Variants in TRPM1 observed in about 807,000 individuals in gnomAD.
The protein encoded by TRPM1 is TRPM1-203 APA Isoform, Intron 10.
Under a neutral mutation model 149.4 loss-of-function variants are expected in TRPM1, and 113 were observed. The ratio of observed to expected loss-of-function variants is 0.76; its 90% confidence interval spans 0.65 to 0.88. TRPM1 has a LOEUF of 0.88. Among genes scored for constraint, TRPM1 ranks in the 40% least tolerant of loss-of-function variants. TRPM1 has a pLI of 0.00. For missense variants in TRPM1, 1,976 were observed against 2,038.7 expected, an observed-to-expected ratio of 0.97 and a Z score of 0.59; for synonymous variants, 741 against 759.5, an observed-to-expected ratio of 0.98 and a Z score of 0.40.
intron 1 of TRPM1, among the ~76,000 whole-genome samples, chr15:31,095,013 A>T (rs1244322257): frequency 6.6e-6 from 1 of 152,276 alleles, no homozygotes; most frequent in East Asian, 1.9e-4. Flanking sequence ...TATGTTATAC[A>T]AACAAAAGAA....
At position 31,035,564 on chromosome 15, in the gene TRPM1, C is replaced by T. The variant is rs780545283; in HGVS notation, c.2682G>A (p.Ala894=). ...WIVISYIVSL[A]LEKIREILMS... is the part of the protein sequence containing the mutation. ...TAGCCACCTCTCGTATCTTCTCTAA[C>T]GCCAGGCTCACGATGTAGGAGATGA... Residue 894 remains alanine (A), a synonymous_variant, in exon 21 of 28, where the codon GCG becomes GCA. Coordinates refer to ENST00000256552, the MANE Select transcript of TRPM1 (RefSeq NM_001252024.2). The T allele has an allele frequency of 2.2e-5, 35 of 1,614,054 alleles. No individual in the cohort carries two copies. Among genetic ancestry groups the T allele is most frequent in the Middle Eastern group, 3.3e-4 (2 of 6,080 alleles).
At chr15:31,159,883 C>T (rs896741098) in intron 1 of TRPM1, among the ~76,000 whole-genome samples, 7 of 152,230 alleles carry the variant, frequency 4.6e-5, no homozygotes, top group African/African-American at 1.4e-4. Context: ...ACTGCTTCAG[C>T]GGCTCCGTTC....
chr15:31,120,524 C>T (rs1184330018), intron 1 of TRPM1, among the ~76,000 whole-genome samples: 1 of 152,124 alleles, frequency 6.6e-6, no homozygotes, highest in African/African-American at 2.4e-5. Context: ...GATATAGTTG[C>T]ATTTAACAGT....
intron 2 of TRPM1, among the ~76,000 whole-genome samples, chr15:31,080,065 G>T (rs571975251): frequency 6.6e-6 from 1 of 152,160 alleles, no homozygotes; most frequent in South Asian, 2.1e-4. Flanking sequence ...AAGACCCATG[G>T]GTCCACACTG....
chr15:31,112,967 G>GA (rs1030613350), intron 1 of TRPM1, among the ~76,000 whole-genome samples: 3 of 152,146 alleles, frequency 2.0e-5, no homozygotes, highest in Non-Finnish European at 4.4e-5. Flanking sequence ...GAGGACTTGG[G>GA]AAAAACTCGA....
At chr15:31,152,293 T>C (rs1047531090) in intron 1 of TRPM1, among the ~76,000 whole-genome samples, 3 of 152,196 alleles carry the variant, frequency 2.0e-5, no homozygotes, top group African/African-American at 7.2e-5. Flanking sequence ...CCTGCCCAGC[T>C]TGGAGGCTGG....
chr15:31,127,148 T>C (rs8037337), intron 1 of TRPM1, among the ~76,000 whole-genome samples: 45,280 of 152,142 alleles, frequency 0.3, 6,938 homozygotes, highest in Middle Eastern at 0.34. Flanking sequence ...TTGAGATTTC[T>C]CATTCCTTCT....
intron 20 of TRPM1, 50 bp downstream of exon 20, chr15:31,037,661 C>G: frequency 6.2e-7 from 1 of 1,613,592 alleles, no homozygotes; most frequent in Non-Finnish European, 8.5e-7. Flanking sequence ...TCCAACATAT[C>G]AAAGCATTCA....
chr15:31,029,241 A>T, intron 24 of TRPM1, 130 bp downstream of exon 24: 1 of 958,670 alleles, frequency 1.0e-6, no homozygotes. Flanking sequence ...CTGACAGCTT[A>T]AAAAGTACTG....
chr15:31,104,469 CT>C (rs1210383264), upstream of TRPM1, among the ~76,000 whole-genome samples: 1 of 151,820 alleles, frequency 6.6e-6, no homozygotes, highest in East Asian at 1.9e-4. Context: ...TGCAATAAGA[CT>C]TTTTGGTGGT....
chr15:31,144,222 T>C (rs934115318), intron 1 of TRPM1, among the ~76,000 whole-genome samples: 8 of 152,100 alleles, frequency 5.3e-5, no homozygotes, highest in African/African-American at 1.9e-4. Context: ...AGCCAATCAC[T>C]TGAACCCAGT....
chr15:31,088,668 G>A (rs760755070), intron 1 of TRPM1, among the ~76,000 whole-genome samples: 1 of 152,210 alleles, frequency 6.6e-6, no homozygotes, highest in African/African-American at 2.4e-5. Context: ...GGACTAGGAT[G>A]GGCATTTCAT....
intron 3 of TRPM1, 197 bp from the exon 4 acceptor site, chr15:31,070,423 T>C (rs758241779): frequency 1.1e-5 from 8 of 709,372 alleles, no homozygotes; most frequent in African/African-American, 3.5e-5. Flanking sequence ...TCTCTTTATA[T>C]GCCAGTCGAT....
intron 4 of TRPM1, chr15:31,069,796 G>C: frequency 1.4e-6 from 2 of 1,469,580 alleles, no homozygotes. Context: ...TGTGGATTCA[G>C]AGCTTTGGTA....
At position 31,026,250 on chromosome 15, in the gene TRPM1, T is replaced by G. The variant is rs750208498; in HGVS notation, c.3518A>C (p.Glu1173Ala). 6.2e-7 allele frequency: 1 copy of G among 1,611,610 alleles called. No homozygotes were observed. Among genetic ancestry groups the G allele is most frequent in the South Asian group, 1.1e-5 (1 of 91,086 alleles). The change falls in exon 27 of 28, where the codon GAG (glutamate) becomes GCG (alanine). Residue 1173 changes from glutamate to alanine, a missense_variant. Transcript: ENST00000256552. ...RGLKLFLSDEELKRLHEFEEQ... is the reference protein window; with the variant it reads ...RGLKLFLSDEALKRLHEFEEQ... ...CTCGAACTCATGCAGCCTCTTTAGCTCCTCGTCGCTAAGGAAGAGCTCTGT... is the reference window on the plus strand; with the variant it reads ...CTCGAACTCATGCAGCCTCTTTAGCGCCTCGTCGCTAAGGAAGAGCTCTGT...
chr15:31,044,599 G>A (rs897463069), intron 16 of TRPM1, among the ~76,000 whole-genome samples: 3 of 152,014 alleles, frequency 2.0e-5, no homozygotes, highest in African/African-American at 7.3e-5. Context: ...TGACCAATAT[G>A]GTGAAGCCCC....
At chr15:31,023,110 A>G (rs547692961) in intron 27 of TRPM1, among the ~76,000 whole-genome samples, 1 of 152,248 alleles carries the variant, frequency 6.6e-6, no homozygotes, top group Admixed American at 6.5e-5. Context: ...CCAAACCCAG[A>G]CATGGCCCTG....
intron 21 of TRPM1, among the ~76,000 whole-genome samples, chr15:31,034,523 T>C (rs1413945670): frequency 6.6e-6 from 1 of 152,152 alleles, no homozygotes; most frequent in Non-Finnish European, 1.5e-5. Context: ...GGCCCAAAGG[T>C]GAGACAGACT....
intron 2 of TRPM1, among the ~76,000 whole-genome samples, chr15:31,078,676 T>G (rs1001474501): frequency 3.9e-5 from 6 of 152,142 alleles, no homozygotes; most frequent in African/African-American, 7.2e-5. Flanking sequence ...CCCTTCTGTT[T>G]TGCACTTTTC....
Sources: allele counts gnomAD v4.1 joint callset (sites outside exome capture counted in the v4.1 genomes callset), GRCh38; gene constraint gnomAD v4.1.1; transcripts MANE v1.5; gene names NCBI Gene and HGNC (gene_info 2026-07-23, HGNC 2026-07-21).